PSMA7: variants seen among roughly 807,000 people sequenced by gnomAD.
PSMA7 encodes proteasome 20S subunit alpha 7, also known as proteasome subunit alpha type-7.
Under a neutral mutation model 31.3 loss-of-function variants are expected in PSMA7, and 5 were observed. The observed-to-expected ratio is 0.16, with a 90% CI of 0.08 to 0.34. The LOEUF is 0.34. PSMA7 is among the 10% of genes least tolerant of loss of function. The pLI, the probability that PSMA7 is intolerant of heterozygous loss-of-function variation, is 1.00. For missense variants in PSMA7, 217 were observed against 327.5 expected (o/e 0.66, Z 2.60); for synonymous variants, 155 against 121.9 (o/e 1.27, Z -1.79).
chr20:62,138,840 G>A (rs534874889), intron 4 of PSMA7, among the ~76,000 whole-genome samples: 1 of 152,294 alleles, frequency 6.6e-6, no homozygotes, highest in African/African-American at 2.4e-5. Context: ...TTACAGGCGT[G>A]AGTCACCACG....
Position 62,136,945 on chromosome 20 carries a change from A to G in PSMA7, c.659T>C (p.Leu220Ser). Residue 220 changes from leucine (L) to serine (S), a missense_variant, in exon 7 of 7, where the codon TTA becomes TCA. Transcript: ENST00000370873. ...VMRRDQSLKILNPEEIEKYVA... is the reference protein window; with the variant it reads ...VMRRDQSLKISNPEEIEKYVA... ...ATACTTCTCAATTTCTTCAGGATTT[A>G]AAATCTATAGAAAAAAACTTCATGG... 1 of 1,598,316 alleles carries G rather than the reference A, an allele frequency of 6.3e-7. No individual in the cohort carries two copies. Among genetic ancestry groups the G allele is most frequent in the Admixed American group, 1.8e-5 (1 of 55,500 alleles).
intron 3 of PSMA7, 21 bp downstream of exon 3, chr20:62,139,760 T>C (rs373942321): frequency 1.9e-6 from 3 of 1,613,716 alleles, no homozygotes; most frequent in Non-Finnish European, 1.7e-6. Context: ...GAGGTGAGCA[T>C]GCAAGCGGGC....
At chr20:62,142,786 G>A (rs1027524371) in intron 1 of PSMA7, among the ~76,000 whole-genome samples, 4 of 152,148 alleles carry the variant, frequency 2.6e-5, no homozygotes, top group East Asian at 1.9e-4. Context: ...CCACCCGGCT[G>A]CGTGAACAGC....
intron 1 of PSMA7, among the ~76,000 whole-genome samples, chr20:62,141,937 C>G (rs889834674): frequency 6.6e-6 from 1 of 152,234 alleles, no homozygotes; most frequent in Non-Finnish European, 1.5e-5. Flanking sequence ...CAGGGCTTCT[C>G]CAGCTCAGCA....
chr20:62,136,746 A>T lies in PSMA7; in HGVS notation c.*111T>A. 1 of 1,419,020 alleles carries T rather than the reference A, an allele frequency of 7.0e-7. No homozygotes were observed. The highest frequency in any genetic ancestry group is 1.5e-5 in the African/African-American group (1 of 68,588). 87.9% of individuals were successfully genotyped at this position (1,419,020 alleles called of 1,614,324 possible). ...AAAAAAAACAGGTTAAAAATACGGA[A>T]GTTTATTGTAGGACACTCAGTGTGA... On this transcript the variant is annotated 3_prime_UTR_variant, in exon 7 of 7. Transcript: ENST00000370873.
Position 62,140,948 on chromosome 20 carries a change from T to C in PSMA7, c.97-4A>G. 1 of 1,614,028 alleles carries C rather than the reference T, an allele frequency of 6.2e-7. No individual in the cohort carries two copies. Among genetic ancestry groups the C allele is most frequent in the Non-Finnish European group, 8.5e-7 (1 of 1,179,988 alleles). On this transcript the variant is annotated splice_polypyrimidine_tract_variant and splice_region_variant and intron_variant, in intron 1 of 6. Coordinates refer to ENST00000370873, the MANE Select transcript of PSMA7 (RefSeq NM_002792.4). ...TGTCTCTTCCTCGAACACCAACCTT[T>C]AATTAAGATCCACAAACCACGTAAG...
At chr20:62,137,463 T>G in intron 5 of PSMA7, 37 bp from the exon 6 acceptor site, 3 of 1,600,894 alleles carry the variant, frequency 1.9e-6, no homozygotes, top group Non-Finnish European at 2.6e-6. Context: ...TAACCACCTT[T>G]CCCTATTCAA....
At chr20:62,137,328 T>G (rs767379056) in intron 6 of PSMA7, 36 bp downstream of exon 6, 6 of 1,602,206 alleles carry the variant, frequency 3.7e-6, no homozygotes, top group Non-Finnish European at 5.1e-6. Context: ...GGGAGAAAAC[T>G]GACAGGTAAA....
intron 3 of PSMA7, chr20:62,139,490 C>T: frequency 1.5e-6 from 1 of 654,232 alleles, no homozygotes; most frequent in East Asian, 2.7e-5. Context: ...GGGTGGCTTC[C>T]AGCCCCCTTC....
chr20:62,137,005 G>A (rs1351923862), intron 6 of PSMA7, 56 bp from the exon 7 acceptor site: 37 of 1,580,166 alleles, frequency 2.3e-5, no homozygotes, highest in East Asian at 4.5e-5. Flanking sequence ...AGGAACCAGC[G>A]CCCTCTTCTG....
intron 4 of PSMA7, 33 bp downstream of exon 4, chr20:62,139,042 A>G: frequency 6.2e-7 from 1 of 1,608,322 alleles, no homozygotes; most frequent in Non-Finnish European, 8.5e-7. Context: ...TTTTCTGGCA[A>G]GACTGTCCAA....
chr20:62,141,530 T>A (rs2056927359), intron 1 of PSMA7, among the ~76,000 whole-genome samples: 1 of 152,218 alleles, frequency 6.6e-6, no homozygotes, highest in African/African-American at 2.4e-5. Context: ...AATACTGAGA[T>A]GTAGTTTTAG....
intron 1 of PSMA7, 24 bp downstream of exon 1, chr20:62,143,184 C>G: frequency 7.4e-7 from 1 of 1,356,714 alleles, no homozygotes; most frequent in African/African-American, 1.6e-5. Context: ...CGTCCCCGGC[C>G]CCGCGCAGGC....
rs754430867 is a variant in PSMA7 at position 62,143,317 on chromosome 20, G to T, written c.-14C>A. On this transcript the variant is annotated 5_prime_UTR_variant, in exon 1 of 7. Transcript: ENST00000370873. ...GTCGTAGCTCATGCCGGCGGGCGGC[G>T]GCCGGGCTCCTTCCGCCGCGACTCT... 1 of 1,387,984 alleles carries T rather than the reference G, an allele frequency of 7.2e-7. No homozygotes were observed. The highest frequency in any genetic ancestry group is 9.5e-7 in the Non-Finnish European group (1 of 1,055,062). The allele number at this position is 1,387,984 out of a possible 1,614,324, so 86.0% of individuals were successfully genotyped here. A position where few individuals can be genotyped will look rare whatever the true frequency, so the allele number is the denominator to read the frequency against.
At position 62,139,805 on chromosome 20, in the gene PSMA7, G is replaced by A. The variant is rs751547487; in HGVS notation, c.324C>T (p.Thr108=). The A allele has an allele frequency of 2.5e-6, 4 of 1,614,122 alleles. No individual in the cohort carries two copies. In the South Asian group the frequency reaches 4.4e-5, roughly 18 times the overall value. ...CCTGCTTCAGACTGGCGATGTAGCG[G>A]GTGATGTACTCCACAGTGACCGGGT... ...VEDPVTVEYI[T]RYIASLKQRY... The change falls in exon 3 of 7, where the codon ACC becomes ACT. Residue 108 remains threonine, a synonymous_variant. Coordinates refer to ENST00000370873, the MANE Select transcript of PSMA7 (RefSeq NM_002792.4).
At chr20:62,139,715 C>T (rs752698188) in intron 3 of PSMA7, 66 bp downstream of exon 3, 2 of 1,612,410 alleles carry the variant, frequency 1.2e-6, no homozygotes, top group Non-Finnish European at 1.7e-6. Flanking sequence ...CATGGCAGGA[C>T]CCTCCATGGC....
intron 3 of PSMA7, 70 bp from the exon 4 acceptor site, chr20:62,139,267 G>A (rs758532119): frequency 6.4e-7 from 1 of 1,554,734 alleles, no homozygotes; most frequent in Non-Finnish European, 8.8e-7. Flanking sequence ...ACCGTACTTA[G>A]TGAAGATACG....
intron 4 of PSMA7, among the ~76,000 whole-genome samples, chr20:62,138,849 C>T (rs1182824186): frequency 1.3e-5 from 2 of 152,186 alleles, no homozygotes; most frequent in Admixed American, 6.5e-5. Flanking sequence ...TGAGTCACCA[C>T]GCCCACCCAA....
At chr20:62,138,882 C>T (rs190649579) in intron 4 of PSMA7, among the ~76,000 whole-genome samples, 193 bp downstream of exon 4, 1 of 152,302 alleles carries the variant, frequency 6.6e-6, no homozygotes, top group Non-Finnish European at 1.5e-5. Flanking sequence ...ATGTGGACTA[C>T]GCTTACACCT....
Sources: allele counts gnomAD v4.1 joint callset (sites outside exome capture counted in the v4.1 genomes callset), GRCh38; gene constraint gnomAD v4.1.1; transcripts MANE v1.5; gene names NCBI Gene and HGNC (gene_info 2026-07-23, HGNC 2026-07-21).